Variants in PHRF1 observed in about 807,000 individuals in gnomAD.
PHRF1 encodes the protein PHD and ring finger domains 1.
A neutral mutation model predicts 128.9 loss-of-function variants in PHRF1; 53 were observed. The observed-to-expected ratio is 0.41, with a 90% CI of 0.33 to 0.52. PHRF1 has a LOEUF of 0.52. Among genes scored for constraint, PHRF1 ranks in the 20% least tolerant of loss-of-function variants. The probability of loss-of-function intolerance (pLI) is 0.21; values close to 1 mark genes in which losing one functional copy is unlikely to be tolerated. For synonymous variants in PHRF1, 1,178 were observed against 980.6 expected (o/e 1.20, Z -3.76); for missense variants, 2,503 against 2,284.5 (o/e 1.10, Z -1.95).
chr11:579,127 A>G (rs1423882864), intron 1 of PHRF1, among the ~76,000 whole-genome samples: 4 of 152,304 alleles, frequency 2.6e-5, no homozygotes, highest in South Asian at 2.1e-4. Flanking sequence ...GGCGTGAGCC[A>G]CTGCACCTGG....
chr11:577,876 A>T (rs1853981038), intron 1 of PHRF1, among the ~76,000 whole-genome samples: 1 of 152,238 alleles, frequency 6.6e-6, no homozygotes, highest in African/African-American at 2.4e-5. Flanking sequence ...CCTGAATTTG[A>T]AAAGAGAGAG....
intron 9 of PHRF1, among the ~76,000 whole-genome samples, chr11:600,749 G>A (rs1220437513): frequency 2.0e-5 from 3 of 151,776 alleles, no homozygotes; most frequent in South Asian, 2.1e-4. Context: ...GGCGGATCAC[G>A]AGGTCAGGAG....
chr11:610,411 C>CCA, intron 15 of PHRF1, 64 bp downstream of exon 15: 1 of 1,537,108 alleles, frequency 6.5e-7, no homozygotes, highest in Non-Finnish European at 8.8e-7. Context: ...GCCACACACA[C>CCA]CACACTAGGC....
intron 4 of PHRF1, among the ~76,000 whole-genome samples, chr11:589,747 AGT>A (rs2132921338): frequency 6.6e-6 from 1 of 152,340 alleles, no homozygotes; most frequent in East Asian, 1.9e-4. Context: ...AGTCTGAGAG[AGT>A]GTCTGCAAAC....
At chr11:598,556 G>T in intron 9 of PHRF1, 54 bp downstream of exon 9, 1 of 1,560,324 alleles carries the variant, frequency 6.4e-7, no homozygotes, top group African/African-American at 1.4e-5. Flanking sequence ...ACCCACGCCC[G>T]AGGTCCACTC....
At position 598,518 on chromosome 11, in the gene PHRF1, T is replaced by C. The variant is rs1855437280; in HGVS notation, c.1024+16T>C. The C allele has an allele frequency of 6.2e-7, 1 of 1,602,430 alleles. No homozygotes were observed. The highest frequency in any genetic ancestry group is 2.2e-5 in the East Asian group (1 of 44,538). ...AGGAAGACAAGTAAGCCTGAAGGGA[T>C]GGACTCTCCCGCCAGCCACAGGCTG... On this transcript the variant is annotated intron_variant, in intron 9 of 17. Coordinates refer to ENST00000264555, the MANE Select transcript of PHRF1 (RefSeq NM_001286581.2).
intron 1 of PHRF1, among the ~76,000 whole-genome samples, chr11:579,630 G>A (rs910429995): frequency 2.0e-5 from 3 of 152,216 alleles, no homozygotes; most frequent in African/African-American, 4.8e-5. Context: ...GCGTCTCTGC[G>A]GAGTTGCTGG....
At chr11:585,166 T>C (rs1280559714) in intron 3 of PHRF1, among the ~76,000 whole-genome samples, 4 of 152,218 alleles carry the variant, frequency 2.6e-5, no homozygotes, top group Admixed American at 6.5e-5. Flanking sequence ...TCTCATTGCT[T>C]TTCCCACCCT....
At chr11:589,576 G>A (rs1383498902) in intron 4 of PHRF1, among the ~76,000 whole-genome samples, 2 of 90,768 alleles carry the variant, frequency 2.2e-5, no homozygotes, top group African/African-American at 3.0e-5. Flanking sequence ...GACACACTCG[G>A]GGGGGCAGGA....
At chr11:583,731 T>G (rs539176827) in intron 3 of PHRF1, among the ~76,000 whole-genome samples, 5 of 152,078 alleles carry the variant, frequency 3.3e-5, no homozygotes, top group Non-Finnish European at 7.4e-5. Context: ...AGACGTTATC[T>G]CAAACAAAAC....
At position 587,319 on chromosome 11, in the gene PHRF1, A is replaced by G; in HGVS notation, c.275A>G (p.Lys92Arg). The G allele has an allele frequency of 6.2e-7, 1 of 1,613,698 alleles. No homozygotes were observed. The highest frequency in any genetic ancestry group is 8.5e-7 in the Non-Finnish European group (1 of 1,179,896). Residue 92 changes from lysine to arginine, a missense_variant, in exon 4 of 18, where the codon AAA (lysine) becomes AGA (arginine). Transcript: ENST00000264555. ...CTGGAGGTAGCGGGTACTCAGGGGA[A>G]ACTGGAAGCCGCTGGCTCTTTCAAT... The part of the protein sequence containing the change: ...TLLEVAGTQG[K>R]LEAAGSFNSD...
intron 10 of PHRF1, 87 bp from the exon 11 acceptor site, chr11:605,032 G>C: frequency 7.4e-7 from 1 of 1,345,898 alleles, no homozygotes. Context: ...CACTGTTGCT[G>C]ATGAAGGCTT....
At position 607,822 on chromosome 11, in the gene PHRF1, G is replaced by C. The variant is rs769183734; in HGVS notation, c.2366G>C (p.Ser789Thr). 9.3e-6 allele frequency: 15 copies of C among 1,612,824 alleles called. No homozygotes were observed. Among genetic ancestry groups the C allele is most frequent in the Non-Finnish European group, 1.3e-5 (15 of 1,179,898 alleles). ...INIPGNMAHS[S>T]QLSSPGFCNT... Reference sequence around the variant, plus strand: ...ATTCCTGGAAACATGGCACATTCCAGCCAGCTCTCCAGCCCTGGCTTCTGT... The same window carrying C: ...ATTCCTGGAAACATGGCACATTCCACCCAGCTCTCCAGCCCTGGCTTCTGT... The change falls in exon 14 of 18, where the codon AGC becomes ACC. Residue 789 changes from serine (S) to threonine (T), a missense_variant. Physicochemically the swap from Ser to Thr is moderately conservative, Grantham distance 58 (BLOSUM62 1). Transcript: ENST00000264555.
chr11:598,824 A>C (rs934583974), intron 9 of PHRF1, among the ~76,000 whole-genome samples: 1 of 152,204 alleles, frequency 6.6e-6, no homozygotes, highest in Non-Finnish European at 1.5e-5. Context: ...ATTTGTCAGA[A>C]TACGCCCTGA....
In PHRF1 at chr11:610,703, A is replaced by G. The variant is rs768272316; in HGVS notation, c.4619A>G (p.Asn1540Ser). 1.9e-6 allele frequency: 3 copies of G among 1,603,554 alleles called. No homozygotes were observed. The highest frequency in any genetic ancestry group is 3.3e-5 in the Admixed American group (2 of 60,002). ...EPASQATAASNSEEKTPAPRL... is the reference protein window; with the variant it reads ...EPASQATAASSSEEKTPAPRL... ...GCCAGTCAAGCCACTGCAGCCAGCA[A>G]CTCGGAGGAGAAGACCCCGGCCCCC... Residue 1540 changes from asparagine to serine, a missense_variant, in exon 16 of 18, where the codon AAC becomes AGC. Physicochemically the swap from Asn to Ser is conservative, Grantham distance 46 (BLOSUM62 1). Transcript: ENST00000264555.
Position 608,509 on chromosome 11 carries a change from G to T in PHRF1, c.3053G>T (p.Arg1018Leu), listed in dbSNP as rs1246828429. 5 of 1,447,942 alleles carry T rather than the reference G, an allele frequency of 3.5e-6. No individual in the cohort carries two copies. The highest frequency in any genetic ancestry group is 3.7e-6 in the Non-Finnish European group (4 of 1,074,876). The allele number at this position is 1,447,942 out of a possible 1,614,324, so 89.7% of individuals were successfully genotyped here. A position where few individuals can be genotyped will look rare whatever the true frequency, so the allele number is the denominator to read the frequency against. Residue 1018 changes from arginine (R) to leucine (L), a missense_variant, in exon 14 of 18, where the codon CGC becomes CTC. By Grantham distance (102) the Arg-to-Leu change is moderately radical (BLOSUM62 -2). Coordinates refer to ENST00000264555, the MANE Select transcript of PHRF1 (RefSeq NM_001286581.2). ...GTGTCCAGGGAGCACGGACGGACGC[G>T]CTCTGGGACGCGCTCTGAATCCAGG... ...KRVSREHGRT[R>L]SGTRSESRDR...
At chr11:606,720 G>C (rs1855971760) in intron 13 of PHRF1, 124 bp downstream of exon 13, 1 of 1,344,152 alleles carries the variant, frequency 7.4e-7, no homozygotes, top group Non-Finnish European at 9.9e-7. Context: ...CCATTCCTCA[G>C]CCATTTTTCT....
chr11:588,630 C>T (rs1236470146), intron 4 of PHRF1, among the ~76,000 whole-genome samples: 3 of 152,070 alleles, frequency 2.0e-5, no homozygotes, highest in Non-Finnish European at 2.9e-5. Flanking sequence ...CCACCCGTCT[C>T]GGCCTCCCAA....
intron 9 of PHRF1, 52 bp from the exon 10 acceptor site, chr11:601,522 G>A (rs1855624375): frequency 4.3e-6 from 7 of 1,610,550 alleles, no homozygotes. Flanking sequence ...ACAGGAATGG[G>A]GCAGGGAGGG....
Sources: allele counts gnomAD v4.1 joint callset (sites outside exome capture counted in the v4.1 genomes callset), GRCh38; gene constraint gnomAD v4.1.1; transcripts MANE v1.5; gene names NCBI Gene and HGNC (gene_info 2026-07-23, HGNC 2026-07-21).